The following SSH2 variants were observed in gnomAD, a reference collection of about 807,000 sequenced individuals.
SSH2 encodes protein phosphatase Slingshot homolog 2.
SSH2 carries 37 observed loss-of-function variants against 135.2 expected under a neutral mutation model. The observed-to-expected ratio is 0.27, with a 90% confidence interval of 0.21 to 0.36. The LOEUF (loss-of-function observed/expected upper bound fraction) is 0.36, where lower values mean the gene tolerates loss of function less well. Among genes scored for constraint, SSH2 ranks in the 10% least tolerant of loss-of-function variants. The pLI is 1.00. For synonymous variants in SSH2, 628 were observed against 646.2 expected (o/e 0.97, Z 0.43); for missense variants, 1,408 against 1,765.3 (o/e 0.80, Z 3.63).
At chr17:29,816,844 A>G (rs1486019321) in intron 2 of SSH2, among the ~76,000 whole-genome samples, 2 of 152,218 alleles carry the variant, frequency 1.3e-5, no homozygotes. Context: ...AATCATAAGG[A>G]GACCAATTAC....
In SSH2 at chr17:29,905,429, C is replaced by T. The variant is rs367678334; in HGVS notation, c.63+24509G>A. On this transcript the variant is annotated intron_variant, in intron 1 of 15. Transcript: ENST00000540801. ...GTGGCTGGGGCTGCATGCTCCAAGA[C>T]GCAAGCAGGAGCCCTGCTCTCCTGG... Among the ~76,000 whole-genome samples the T allele has an allele frequency of 7.8e-4, 119 of 152,336 alleles. 3 individuals carry two copies. In the East Asian group the frequency reaches 0.017, roughly 21 times the overall value.
chr17:29,659,922 C>CT, intron 11 of SSH2, among the ~76,000 whole-genome samples: 1 of 152,256 alleles, frequency 6.6e-6, no homozygotes, highest in Middle Eastern at 3.4e-3. Context: ...TCTCCACCTC[C>CT]TGGGTTCAAG....
At chr17:29,816,543 T>C (rs2042562674) in intron 2 of SSH2, among the ~76,000 whole-genome samples, 2 of 152,134 alleles carry the variant, frequency 1.3e-5, no homozygotes, top group Admixed American at 1.3e-4. Context: ...ATAAGCTAAA[T>C]GTTAGGGGGT....
rs1027374091 is a variant in SSH2 at position 29,806,393 on chromosome 17, C to G, written c.145-12456G>C. On this transcript the variant is annotated intron_variant, in intron 2 of 15. Coordinates refer to ENST00000540801, the MANE Select transcript of SSH2 (RefSeq NM_001282129.2). The stretch of plus-strand genomic sequence containing the variant: ...GAAAAGGTCAAATAACACCTTCTAC[C>G]AGAACAGGTTGCTCCTCTTGTGTTA... 5.3e-5 allele frequency among the ~76,000 whole-genome samples: 8 copies of G among 152,296 alleles called. No homozygotes were observed. In the East Asian group the frequency reaches 1.4e-3, roughly 26 times the overall value.
chr17:29,676,157 C>G (rs2037706172), intron 8 of SSH2: 1 of 152,062 alleles, frequency 6.6e-6, no homozygotes, highest in Non-Finnish European at 1.5e-5. Flanking sequence ...TAGGAAATAG[C>G]TAATGCAGGC....
intron 1 of SSH2, among the ~76,000 whole-genome samples, chr17:29,869,718 A>G (rs2065909109): frequency 6.6e-6 from 1 of 152,230 alleles, no homozygotes; most frequent in Admixed American, 6.5e-5. Context: ...GTTCCTCTGA[A>G]AAGAAAATTG....
At chr17:29,883,771 T>C (rs2066182503) in intron 1 of SSH2, among the ~76,000 whole-genome samples, 2 of 152,200 alleles carry the variant, frequency 1.3e-5, no homozygotes, top group South Asian at 2.1e-4. Flanking sequence ...AATTATCTCC[T>C]GTCTCACTTT....
intron 2 of SSH2, among the ~76,000 whole-genome samples, chr17:29,823,670 G>A (rs967431315): frequency 6.6e-6 from 1 of 152,072 alleles, no homozygotes; most frequent in Non-Finnish European, 1.5e-5. Context: ...TTTGAGGTTA[G>A]CGGTTCCAGA....
intron 9 of SSH2, among the ~76,000 whole-genome samples, 195 bp downstream of exon 9, chr17:29,671,740 G>A (rs1405185300): frequency 2.0e-5 from 3 of 152,214 alleles, no homozygotes; most frequent in Admixed American, 2.0e-4. Flanking sequence ...GCCTTGGGGT[G>A]AAGCTTCTCA....
intron 2 of SSH2, among the ~76,000 whole-genome samples, chr17:29,798,708 A>G (rs1433339841): frequency 6.6e-6 from 1 of 152,190 alleles, no homozygotes; most frequent in African/African-American, 2.4e-5. Context: ...CACAGACAGC[A>G]TTTGAACCTT....
intron 6 of SSH2, among the ~76,000 whole-genome samples, chr17:29,680,836 G>T (rs915951374): frequency 6.6e-6 from 1 of 152,070 alleles, no homozygotes; most frequent in South Asian, 2.1e-4. Flanking sequence ...CAGGTTCTTA[G>T]CAACAAGTAT....
rs1416597755 is a variant in SSH2 at position 29,913,349 on chromosome 17, TATATATATA to T, written c.63+16580_63+16588del. On this transcript the variant is annotated intron_variant, in intron 1 of 15. Transcript: ENST00000540801. ...AAAAAAAAAAAAAAAAAAAAAAAAA[TATATATATA>T]TATATATATATATATATATATATAT... is the stretch of plus-strand genomic sequence containing the variant. Among the ~76,000 whole-genome samples, 25 of 16,610 alleles carry T rather than the reference TATATATATA, an allele frequency of 1.5e-3. 1 individual carries two copies. The highest frequency in any genetic ancestry group is 3.1e-3 in the African/African-American group (15 of 4,908). 10.9% of individuals were successfully genotyped at this position (16,610 alleles called of 152,430 possible).
chr17:29,810,673 GGGCCTTCTA>G (rs1283258508), intron 2 of SSH2, among the ~76,000 whole-genome samples: 1 of 152,002 alleles, frequency 6.6e-6, no homozygotes. Context: ...GTCTATTTCT[GGGCCTTCTA>G]GGCAACATCT....
At chr17:29,792,193 G>A (rs966545772) in intron 3 of SSH2, among the ~76,000 whole-genome samples, 1 of 151,968 alleles carries the variant, frequency 6.6e-6, no homozygotes, top group Non-Finnish European at 1.5e-5. Context: ...GTGAGCCACC[G>A]CGCCTGGCCT....
At chr17:29,860,275 T>C (rs945277213) in intron 1 of SSH2, among the ~76,000 whole-genome samples, 2 of 152,200 alleles carry the variant, frequency 1.3e-5, no homozygotes, top group Non-Finnish European at 2.9e-5. Flanking sequence ...TTTGTTATTT[T>C]TTGACTTTTA....
chr17:29,721,591 G>C (rs2039824845), intron 3 of SSH2, among the ~76,000 whole-genome samples: 2 of 152,162 alleles, frequency 1.3e-5, no homozygotes. Flanking sequence ...GTCATCAGGG[G>C]ACCCTAGACA....
chr17:29,912,453 A>G (rs992619221), intron 1 of SSH2, among the ~76,000 whole-genome samples: 1 of 152,220 alleles, frequency 6.6e-6, no homozygotes, highest in African/African-American at 2.4e-5. Context: ...TCAGACAGGC[A>G]GAGTGGCTCA....
At chr17:29,707,546 G>C (rs2039256729) in intron 3 of SSH2, among the ~76,000 whole-genome samples, 1 of 147,948 alleles carries the variant, frequency 6.8e-6, no homozygotes, top group Non-Finnish European at 1.5e-5. Context: ...TTTTTTTTGA[G>C]ATGGAGTCTT....
chr17:29,640,224 A>G (rs1447125336), intron 14 of SSH2, among the ~76,000 whole-genome samples: 6 of 152,006 alleles, frequency 3.9e-5, no homozygotes, highest in Non-Finnish European at 7.4e-5. Flanking sequence ...GACTACAGGC[A>G]CCCGCCACCA....
Sources: allele counts gnomAD v4.1 joint callset (sites outside exome capture counted in the v4.1 genomes callset), GRCh38; gene constraint gnomAD v4.1.1; transcripts MANE v1.5; gene names NCBI Gene and HGNC (gene_info 2026-07-23, HGNC 2026-07-21).